Variants in MALRD1 observed in about 807,000 individuals in gnomAD.
The protein encoded by MALRD1 is MAM and LDL-receptor class A domain-containing protein 1.
Under a neutral mutation model 242.1 loss-of-function variants are expected in MALRD1, and 247 were observed. That is an observed-to-expected ratio of 1.02 (90% confidence interval 0.92 to 1.13). The LOEUF (loss-of-function observed/expected upper bound fraction) is 1.13. Among genes scored for constraint, MALRD1 ranks in the 50% most tolerant of loss-of-function variants. The pLI is 0.00. For synonymous variants in MALRD1, 995 were observed against 866.6 expected, an observed-to-expected ratio of 1.15 and a Z score of -2.60; for missense variants, 2,989 against 2,533.1, an observed-to-expected ratio of 1.18 and a Z score of -3.86.
At chr10:19,445,838 C>T (rs1185585333) in intron 28 of MALRD1, among the ~76,000 whole-genome samples, 9 of 152,176 alleles carry the variant, frequency 5.9e-5, no homozygotes, top group Non-Finnish European at 8.8e-5. Flanking sequence ...CAGACAGGGA[C>T]GTTTAAGTCT....
intron 36 of MALRD1, among the ~76,000 whole-genome samples, chr10:19,682,552 C>T (rs867257396): frequency 1.3e-5 from 2 of 152,048 alleles, no homozygotes; most frequent in Non-Finnish European, 2.9e-5. Flanking sequence ...TGGGCTCTGC[C>T]TAATATTTAT....
intron 18 of MALRD1, among the ~76,000 whole-genome samples, chr10:19,237,223 C>A (rs10827121): frequency 0.17 from 25,145 of 151,456 alleles, 2,179 homozygotes; most frequent in African/African-American, 0.2. Context: ...GCAAAGAACA[C>A]TAAAACTTAT....
chr10:19,133,957 GAAA>G lies in MALRD1; in HGVS notation c.1203+18_1203+20del. 2 of 991,902 alleles carry G rather than the reference GAAA, an allele frequency of 2.0e-6. No individual in the cohort carries two copies. Among genetic ancestry groups the G allele is most frequent in the Non-Finnish European group, 2.5e-6 (2 of 793,430 alleles). 61.4% of individuals were successfully genotyped at this position (991,902 alleles called of 1,614,324 possible). A position where few individuals can be genotyped will look rare whatever the true frequency, so the allele number is the denominator to read the frequency against. On this transcript the variant is annotated intron_variant, in intron 9 of 39. Transcript: ENST00000454679. ...ATCTGAAGACATTTAAGGTATGAAAGAAAAAAAAAAAGTATTTTTTTATCATGG... is the reference window on the plus strand; with the variant it reads ...ATCTGAAGACATTTAAGGTATGAAAGAAAAAAAAGTATTTTTTTATCATGG...
At chr10:19,203,676 G>T (rs1049333920) in intron 14 of MALRD1, 52 bp from the exon 15 acceptor site, 67 of 1,468,894 alleles carry the variant, frequency 4.6e-5, no homozygotes, top group Non-Finnish European at 5.7e-5. Flanking sequence ...CCTTTTCAAA[G>T]TGTGGGAGCA....
intron 1 of MALRD1, among the ~76,000 whole-genome samples, chr10:19,065,885 A>G (rs1834964899): frequency 6.6e-6 from 1 of 152,128 alleles, no homozygotes; most frequent in African/African-American, 2.4e-5. Context: ...TTGAGTTTCC[A>G]TCAGAGGGGT....
At chr10:19,654,897 C>T (rs1055965065) in intron 36 of MALRD1, among the ~76,000 whole-genome samples, 1 of 152,136 alleles carries the variant, frequency 6.6e-6, no homozygotes, top group Admixed American at 6.5e-5. Context: ...CCTACCCCAC[C>T]TGCTGCATAA....
chr10:19,065,370 G>A (rs1024621738), intron 1 of MALRD1, among the ~76,000 whole-genome samples: 3 of 151,682 alleles, frequency 2.0e-5, no homozygotes, highest in Admixed American at 6.6e-5. Flanking sequence ...TAGAAAGGGA[G>A]TGGTAACTTT....
chr10:19,468,790 C>T (rs1836352402), intron 29 of MALRD1, among the ~76,000 whole-genome samples: 1 of 152,028 alleles, frequency 6.6e-6, no homozygotes, highest in African/African-American at 2.4e-5. Flanking sequence ...GAAATACACT[C>T]CTTGTTTAAT....
intron 21 of MALRD1, among the ~76,000 whole-genome samples, chr10:19,295,277 A>G (rs575755179): frequency 2.4e-4 from 37 of 152,228 alleles, no homozygotes; most frequent in African/African-American, 7.7e-4. Context: ...TCAAAAATGT[A>G]CCACTTTTGC....
Position 19,535,123 on chromosome 10 carries a change from A to T in MALRD1, c.5478+3772A>T, listed in dbSNP as rs144409663. ...CTGGTCTTAATCTCCTGACCTAGTGATTCGCCCACCTAGGCCTCCCAAAGT... is the reference window on the plus strand; with the variant it reads ...CTGGTCTTAATCTCCTGACCTAGTGTTTCGCCCACCTAGGCCTCCCAAAGT... On this transcript the variant is annotated intron_variant, in intron 32 of 39. Coordinates refer to ENST00000454679, the MANE Select transcript of MALRD1 (RefSeq NM_001142308.3). Among the ~76,000 whole-genome samples the T allele has an allele frequency of 2.7e-3, 414 of 152,186 alleles. 8 individuals are homozygous for T. In the East Asian group the frequency reaches 0.059, roughly 22 times the overall value.
At chr10:19,376,555 T>A (rs942701164) in intron 26 of MALRD1, among the ~76,000 whole-genome samples, 21 of 142,576 alleles carry the variant, frequency 1.5e-4, no homozygotes, top group African/African-American at 4.7e-4. Flanking sequence ...TTTTTTTTTT[T>A]TTTTTTTTTT....
intron 31 of MALRD1, 36 bp from the exon 32 acceptor site, chr10:19,531,158 A>G: frequency 6.6e-7 from 1 of 1,521,434 alleles, no homozygotes; most frequent in Non-Finnish European, 8.9e-7. Flanking sequence ...CGATATTATC[A>G]TTACACTGAA....
intron 7 of MALRD1, among the ~76,000 whole-genome samples, chr10:19,126,606 T>C (rs1451651525): frequency 6.6e-6 from 1 of 152,122 alleles, no homozygotes; most frequent in African/African-American, 2.4e-5. Flanking sequence ...TGTATTAGAA[T>C]TGCATGAAAT....
intron 36 of MALRD1, among the ~76,000 whole-genome samples, chr10:19,645,111 G>T (rs1304422089): frequency 6.6e-6 from 1 of 151,976 alleles, no homozygotes; most frequent in Non-Finnish European, 1.5e-5. Flanking sequence ...TCTTAGATGT[G>T]ACCTCTGAAT....
intron 18 of MALRD1, among the ~76,000 whole-genome samples, chr10:19,223,120 G>T: frequency 6.6e-6 from 1 of 152,088 alleles, no homozygotes; most frequent in Non-Finnish European, 1.5e-5. Context: ...GACAATTTTA[G>T]TTCATATACA....
At chr10:19,260,720 T>C (rs1254715429) in intron 19 of MALRD1, among the ~76,000 whole-genome samples, 1 of 152,126 alleles carries the variant, frequency 6.6e-6, no homozygotes. Flanking sequence ...ATAGATGTTG[T>C]ATGTGGGGCA....
upstream of MALRD1, among the ~76,000 whole-genome samples, chr10:19,047,945 C>G (rs999597961): frequency 6.6e-6 from 1 of 152,144 alleles, no homozygotes; most frequent in African/African-American, 2.4e-5. Flanking sequence ...CTTTAACATC[C>G]CCTTAAGAAA....
At chr10:19,218,010 TC>T in intron 18 of MALRD1, among the ~76,000 whole-genome samples, 1 of 152,260 alleles carries the variant, frequency 6.6e-6, no homozygotes, top group South Asian at 2.1e-4. Context: ...GCCATGAACT[TC>T]CCAGTTCATC....
chr10:19,242,504 T>C (rs1931880), intron 18 of MALRD1, among the ~76,000 whole-genome samples: 10,849 of 152,236 alleles, frequency 0.071, 444 homozygotes, highest in East Asian at 0.17. Flanking sequence ...TCTGTCCATT[T>C]TTAAAGTGGA....
Sources: gnomAD v4.1 joint callset for allele counts (sites outside exome capture counted in the v4.1 genomes callset) on GRCh38, gnomAD v4.1.1 for gene constraint, MANE v1.5 for transcripts, NCBI Gene and HGNC (gene_info 2026-07-23, HGNC 2026-07-21) for gene names.